LRRTM4: variants seen among roughly 807,000 people sequenced by gnomAD.
LRRTM4 encodes leucine rich repeat transmembrane neuronal 4.
In LRRTM4, 25 loss-of-function variants were observed where a neutral mutation model predicts 47.6. That is an observed-to-expected ratio of 0.53 (90% CI 0.38 to 0.73). The LOEUF (loss-of-function observed/expected upper bound fraction) is 0.73. LRRTM4 is among the 30% of genes least tolerant of loss of function. The pLI, the probability that LRRTM4 is intolerant of heterozygous loss-of-function variation, is 0.00. For missense variants in LRRTM4, 638 were observed against 713.4 expected, an observed-to-expected ratio of 0.89 and a Z score of 1.20; for synonymous variants, 311 against 269.5, an observed-to-expected ratio of 1.15 and a Z score of -1.51.
At chr2:76,934,134 T>G (rs1391718142) in intron 3 of LRRTM4, among the ~76,000 whole-genome samples, 1 of 152,188 alleles carries the variant, frequency 6.6e-6, no homozygotes, top group African/African-American at 2.4e-5. Context: ...AAAAATCTCA[T>G]GAGAATTTAA....
intron 3 of LRRTM4, among the ~76,000 whole-genome samples, chr2:77,367,052 T>C (rs1306889571): frequency 1.3e-5 from 2 of 151,886 alleles, no homozygotes; most frequent in South Asian, 2.1e-4. Context: ...ATTTAATGCA[T>C]ACTGGCTATT....
chr2:77,339,503 A>G (rs746716357), intron 3 of LRRTM4, among the ~76,000 whole-genome samples: 6 of 152,042 alleles, frequency 3.9e-5, no homozygotes, highest in Non-Finnish European at 7.4e-5. Flanking sequence ...TTCAATAAAT[A>G]CTTGTTAAAT....
chr2:76,930,144 T>G (rs751810705), intron 3 of LRRTM4, among the ~76,000 whole-genome samples: 2 of 152,146 alleles, frequency 1.3e-5, no homozygotes, highest in Admixed American at 1.3e-4. Context: ...AACAAACCCA[T>G]AAAACTTGTC....
At chr2:77,487,904 G>A (rs1677982988) in intron 3 of LRRTM4, among the ~76,000 whole-genome samples, 2 of 152,244 alleles carry the variant, frequency 1.3e-5, no homozygotes, top group South Asian at 4.1e-4. Context: ...GGTCTCCTGA[G>A]ACCTGTGCTG....
At chr2:77,048,465 T>A (rs1308781100) in intron 3 of LRRTM4, among the ~76,000 whole-genome samples, 6 of 152,076 alleles carry the variant, frequency 3.9e-5, no homozygotes, top group Non-Finnish European at 4.4e-5. Context: ...AATATAACTT[T>A]CTTAATCTTG....
chr2:76,769,297 T>A (rs1673585478), intron 3 of LRRTM4, among the ~76,000 whole-genome samples: 1 of 152,176 alleles, frequency 6.6e-6, no homozygotes, highest in Non-Finnish European at 1.5e-5. Flanking sequence ...GATTCCACTA[T>A]GTTCTTATTC....
intron 3 of LRRTM4, among the ~76,000 whole-genome samples, chr2:77,350,429 GAAAT>G (rs1422242581): frequency 7.0e-6 from 1 of 142,022 alleles, no homozygotes; most frequent in African/African-American, 2.5e-5. Context: ...TAATACATTT[GAAAT>G]AAATATTTAA....
chr2:77,192,173 G>A (rs1451163789), intron 3 of LRRTM4, among the ~76,000 whole-genome samples: 1 of 151,922 alleles, frequency 6.6e-6, no homozygotes, highest in Non-Finnish European at 1.5e-5. Context: ...ATAAAATAAA[G>A]GCATTCTGTT....
At chr2:77,139,530 G>A (rs886633466) in intron 3 of LRRTM4, among the ~76,000 whole-genome samples, 1 of 152,106 alleles carries the variant, frequency 6.6e-6, no homozygotes, top group Non-Finnish European at 1.5e-5. Flanking sequence ...CATACTGAAT[G>A]GGCAAAAACT....
intron 3 of LRRTM4, among the ~76,000 whole-genome samples, chr2:76,802,011 C>G (rs991879769): frequency 2.6e-5 from 4 of 152,118 alleles, no homozygotes; most frequent in African/African-American, 9.7e-5. Flanking sequence ...CCATTGCTAA[C>G]ATCATATTCA....
intron 3 of LRRTM4, among the ~76,000 whole-genome samples, chr2:77,206,243 A>G (rs1399433561): frequency 6.6e-6 from 1 of 150,644 alleles, no homozygotes; most frequent in Non-Finnish European, 1.5e-5. Flanking sequence ...AGGTGGTGCA[A>G]TCTTTGCTCC....
At chr2:76,827,183 A>G (rs1453048225) in intron 3 of LRRTM4, among the ~76,000 whole-genome samples, 1 of 151,832 alleles carries the variant, frequency 6.6e-6, no homozygotes, top group Non-Finnish European at 1.5e-5. Flanking sequence ...AAGTATTTCC[A>G]GTCCCTATGA....
At chr2:77,194,392 C>A (rs1263113249) in intron 3 of LRRTM4, among the ~76,000 whole-genome samples, 1 of 152,070 alleles carries the variant, frequency 6.6e-6, no homozygotes, top group African/African-American at 2.4e-5. Context: ...AGGTGTGAAG[C>A]ATTTAATATG....
At chr2:76,996,606 T>G (rs1174213713) in intron 3 of LRRTM4, among the ~76,000 whole-genome samples, 1 of 152,090 alleles carries the variant, frequency 6.6e-6, no homozygotes, top group Non-Finnish European at 1.5e-5. Context: ...AGTGCGAACT[T>G]AATACAAATA....
chr2:77,113,674 G>T (rs934968467), intron 3 of LRRTM4, among the ~76,000 whole-genome samples: 14 of 152,082 alleles, frequency 9.2e-5, no homozygotes, highest in African/African-American at 3.4e-4. Context: ...GAAGTGCACT[G>T]GTGATTACTG....
intron 3 of LRRTM4, among the ~76,000 whole-genome samples, chr2:77,180,822 G>C (rs566138853): frequency 2.6e-5 from 4 of 152,022 alleles, no homozygotes; most frequent in Non-Finnish European, 5.9e-5. Context: ...AATCTGGAAG[G>C]TTACAGAACA....
intron 3 of LRRTM4, among the ~76,000 whole-genome samples, chr2:76,963,078 T>G (rs371958852): frequency 2.0e-5 from 3 of 150,936 alleles, no homozygotes; most frequent in East Asian, 2.0e-4. Context: ...CATCTAAGAA[T>G]TCAAAAATAA....
chr2:77,136,632 C>G (rs1671952185), intron 3 of LRRTM4, among the ~76,000 whole-genome samples: 1 of 152,186 alleles, frequency 6.6e-6, no homozygotes, highest in African/African-American at 2.4e-5. Flanking sequence ...TAGAGAATGA[C>G]TTTTATGAGT....
intron 3 of LRRTM4, among the ~76,000 whole-genome samples, chr2:76,768,482 A>G (rs1673544725): frequency 1.3e-5 from 2 of 152,146 alleles, no homozygotes; most frequent in Non-Finnish European, 2.9e-5. Flanking sequence ...GGTTTCTTCA[A>G]AGAGGTATAA....
Sources: gnomAD v4.1 joint callset for allele counts (sites outside exome capture counted in the v4.1 genomes callset) on GRCh38, gnomAD v4.1.1 for gene constraint, MANE v1.5 for transcripts, NCBI Gene and HGNC (gene_info 2026-07-23, HGNC 2026-07-21) for gene names.